NOS1AP: variants seen among roughly 807,000 people sequenced by gnomAD.
NOS1AP encodes carboxyl-terminal PDZ ligand of neuronal nitric oxide synthase protein.
NOS1AP carries 21 observed loss-of-function variants against 56.2 expected under a neutral mutation model. That is an observed-to-expected ratio of 0.37 (90% CI 0.26 to 0.54). NOS1AP has a LOEUF of 0.54. Among genes scored for constraint, NOS1AP ranks in the 20% least tolerant of loss-of-function variants. The pLI is 0.84. For missense variants in NOS1AP, 522 were observed against 657.8 expected (o/e 0.79, Z 2.26); for synonymous variants, 270 against 274.6 (o/e 0.98, Z 0.17).
rs527628262 is a variant in NOS1AP at position 162,290,688 on chromosome 1, G to C, written c.270+3252G>C. On this transcript the variant is annotated intron_variant, in intron 3 of 9. Transcript: ENST00000361897. ...TGACATTGCCCACTGATTCGTTGGT[G>C]CTTGTGCCAGGCTAGTGGGTAAAAA... 2.0e-5 allele frequency among the ~76,000 whole-genome samples: 3 copies of C among 152,294 alleles called. No homozygotes were observed. In the East Asian group the frequency reaches 5.8e-4, roughly 29 times the overall value.
At chr1:162,259,065 G>A (rs566540380) in intron 2 of NOS1AP, among the ~76,000 whole-genome samples, 3 of 152,186 alleles carry the variant, frequency 2.0e-5, no homozygotes, top group South Asian at 2.1e-4. Context: ...GACAACCTGC[G>A]GCCTCCAATA....
chr1:162,087,967 G>T (rs1361313580), intron 1 of NOS1AP, among the ~76,000 whole-genome samples: 2 of 151,976 alleles, frequency 1.3e-5, no homozygotes, highest in Non-Finnish European at 2.9e-5. Context: ...TATACCTTTT[G>T]CTGCTCTGTG....
intron 2 of NOS1AP, among the ~76,000 whole-genome samples, chr1:162,194,840 G>C (rs1651755387): frequency 1.3e-5 from 2 of 152,174 alleles, no homozygotes; most frequent in African/African-American, 2.4e-5. Flanking sequence ...AGAGCCATTT[G>C]AAATTGGGTT....
At chr1:162,231,824 T>C (rs114627569) in intron 2 of NOS1AP, among the ~76,000 whole-genome samples, 3,191 of 152,274 alleles carry the variant, frequency 0.021, 38 homozygotes, top group Middle Eastern at 0.058. Context: ...TTAAAAGCCA[T>C]GTTCTAAAAA....
intron 2 of NOS1AP, among the ~76,000 whole-genome samples, chr1:162,162,723 A>G (rs528730742): frequency 4.1e-4 from 63 of 152,316 alleles, no homozygotes; most frequent in African/African-American, 1.5e-3. Flanking sequence ...AGTAATTTCT[A>G]TCTAGTTTTA....
chr1:162,112,231 G>A (rs536169118), intron 1 of NOS1AP, among the ~76,000 whole-genome samples: 17 of 152,284 alleles, frequency 1.1e-4, no homozygotes, highest in Non-Finnish European at 2.1e-4. Flanking sequence ...TGTATTCTCC[G>A]AAGACTTGCT....
intron 8 of NOS1AP, chr1:162,364,815 G>C: frequency 1.0e-6 from 1 of 988,100 alleles, no homozygotes; most frequent in Non-Finnish European, 1.2e-6. Flanking sequence ...GATGACAGCT[G>C]CCTCACTAAT....
At chr1:162,186,978 T>C (rs1012152217) in intron 2 of NOS1AP, among the ~76,000 whole-genome samples, 4 of 152,228 alleles carry the variant, frequency 2.6e-5, no homozygotes, top group African/African-American at 9.6e-5. Context: ...TATTTGTTTG[T>C]TTTTTTGAGA....
intron 4 of NOS1AP, among the ~76,000 whole-genome samples, chr1:162,306,103 A>G (rs943679883): frequency 6.6e-6 from 1 of 152,184 alleles, no homozygotes; most frequent in Non-Finnish European, 1.5e-5. Context: ...AAGTCTAGAA[A>G]GGCTCAGAGA....
intron 4 of NOS1AP, among the ~76,000 whole-genome samples, chr1:162,311,824 T>C (rs534919456): frequency 2.3e-4 from 33 of 144,874 alleles, no homozygotes; most frequent in Middle Eastern, 3.6e-3. Context: ...TGAGTGAGAA[T>C]ATGCGGTGTT....
intron 4 of NOS1AP, among the ~76,000 whole-genome samples, chr1:162,321,719 T>TAA (rs201941230): frequency 2.2e-4 from 30 of 137,878 alleles, no homozygotes; most frequent in African/African-American, 6.8e-4. Context: ...AAAGTATAAT[T>TAA]AAAAAAAAAA....
intron 2 of NOS1AP, among the ~76,000 whole-genome samples, chr1:162,225,018 A>G (rs1312917428): frequency 3.9e-5 from 6 of 152,332 alleles, no homozygotes; most frequent in African/African-American, 1.4e-4. Flanking sequence ...CTTGGCAACC[A>G]TTCTCTTCCC....
At chr1:162,201,638 C>T (rs1651993373) in intron 2 of NOS1AP, among the ~76,000 whole-genome samples, 1 of 152,144 alleles carries the variant, frequency 6.6e-6, no homozygotes, top group African/African-American at 2.4e-5. Flanking sequence ...TTAGTAATAG[C>T]CATTCTGACT....
At chr1:162,282,780 A>G (rs1654971000) in intron 2 of NOS1AP, among the ~76,000 whole-genome samples, 1 of 152,232 alleles carries the variant, frequency 6.6e-6, no homozygotes, top group Admixed American at 6.5e-5. Context: ...CCTTCTAGAT[A>G]GGTAGTGAAC....
intron 2 of NOS1AP, among the ~76,000 whole-genome samples, chr1:162,189,112 T>C (rs1222242207): frequency 6.6e-6 from 1 of 152,188 alleles, no homozygotes; most frequent in East Asian, 1.9e-4. Context: ...TTCATGTATA[T>C]GAAGTTTGAA....
chr1:162,083,718 T>C (rs10918630), intron 1 of NOS1AP, among the ~76,000 whole-genome samples: 96,063 of 152,106 alleles, frequency 0.63, 30,715 homozygotes, highest in Non-Finnish European at 0.68. Flanking sequence ...TGAAGGAAAT[T>C]ACCTGCAAAT....
intron 1 of NOS1AP, among the ~76,000 whole-genome samples, chr1:162,141,944 C>G (rs978061678): frequency 3.3e-5 from 5 of 152,158 alleles, no homozygotes; most frequent in Admixed American, 6.6e-5. Context: ...AACTAGAAAA[C>G]ATCTTAAAAT....
intron 8 of NOS1AP, chr1:162,365,148 T>A: frequency 7.1e-7 from 1 of 1,412,454 alleles, no homozygotes; most frequent in Non-Finnish European, 9.2e-7. Flanking sequence ...CCTCTTGCCC[T>A]TGGTATGGGT....
At chr1:162,159,180 G>A (rs1213200479) in intron 2 of NOS1AP, among the ~76,000 whole-genome samples, 1 of 152,142 alleles carries the variant, frequency 6.6e-6, no homozygotes, top group African/African-American at 2.4e-5. Context: ...CCAGTCTGTC[G>A]TTTAACTTTT....
Sources: gnomAD v4.1 joint callset for allele counts (sites outside exome capture counted in the v4.1 genomes callset) on GRCh38, gnomAD v4.1.1 for gene constraint, MANE v1.5 for transcripts, NCBI Gene and HGNC (gene_info 2026-07-23, HGNC 2026-07-21) for gene names.